The following FRMD4B variants were observed in gnomAD, a reference collection of about 807,000 sequenced individuals.
The protein encoded by FRMD4B is FERM domain containing 4B.
FRMD4B carries 74 observed loss-of-function variants against 141.5 expected under a neutral mutation model. The ratio of observed to expected loss-of-function variants is 0.52; its 90% CI spans 0.43 to 0.63. FRMD4B has a LOEUF of 0.63. FRMD4B is among the 30% of genes least tolerant of loss of function. The pLI is 0.00. For synonymous variants in FRMD4B, 506 were observed against 467.9 expected (o/e 1.08, Z -1.05); for missense variants, 1,366 against 1,253.4 (o/e 1.09, Z -1.36).
intron 3 of FRMD4B, among the ~76,000 whole-genome samples, chr3:69,308,918 A>G (rs1329421067): frequency 6.6e-6 from 1 of 152,014 alleles, no homozygotes; most frequent in Admixed American, 6.6e-5. Flanking sequence ...ACTGAACCCA[A>G]GTTTTCTTGG....
intron 22 of FRMD4B, among the ~76,000 whole-genome samples, chr3:69,172,736 A>C (rs993453360): frequency 2.0e-5 from 3 of 152,216 alleles, no homozygotes; most frequent in African/African-American, 7.2e-5. Flanking sequence ...TTTAGATGGC[A>C]ATTCCAAATG....
rs116792730 is a variant in FRMD4B, at chr3:69,182,879, C to T, written c.1920-162G>A. ...GTGGTTCACTAAACCACAAAGAAAA[C>T]CCGCTAAAACAGCGGGAGCACATAT... On this transcript the variant is annotated intron_variant, in intron 19 of 22. Coordinates refer to ENST00000398540, the MANE Select transcript of FRMD4B (RefSeq NM_015123.3). 4.4e-3 allele frequency among the ~76,000 whole-genome samples: 677 copies of T among 152,156 alleles called. 9 individuals carry two copies. Among genetic ancestry groups the T allele is most frequent in the African/African-American group, 0.016 (659 of 41,500 alleles).
chr3:69,326,996 T>C (rs770233269), intron 1 of FRMD4B, among the ~76,000 whole-genome samples: 6 of 152,050 alleles, frequency 3.9e-5, no homozygotes, highest in Admixed American at 6.6e-5. Context: ...AGGGCACAGA[T>C]ACTGTAAACA....
At chr3:69,345,802 A>G (rs1484392879) in intron 1 of FRMD4B, among the ~76,000 whole-genome samples, 1 of 152,202 alleles carries the variant, frequency 6.6e-6, no homozygotes, top group Non-Finnish European at 1.5e-5. Context: ...TAACAAACAG[A>G]AAGGACATCC....
At chr3:69,522,874 A>T (rs1031737285) in intron 1 of FRMD4B, among the ~76,000 whole-genome samples, 1 of 152,148 alleles carries the variant, frequency 6.6e-6, no homozygotes, top group African/African-American at 2.4e-5. Flanking sequence ...GGGCCTGGAG[A>T]TGAGAACCAA....
At chr3:69,306,957 C>T (rs115109109) in intron 3 of FRMD4B, among the ~76,000 whole-genome samples, 2,171 of 152,252 alleles carry the variant, frequency 0.014, 59 homozygotes, top group African/African-American at 0.049. Context: ...GTGACCAAGA[C>T]ATTCCAAGGA....
At chr3:69,464,024 G>A (rs868007097) in intron 1 of FRMD4B, among the ~76,000 whole-genome samples, 3 of 152,234 alleles carry the variant, frequency 2.0e-5, no homozygotes, top group African/African-American at 7.2e-5. Flanking sequence ...GCCTCACCTT[G>A]ATCCATTTGG....
intron 7 of FRMD4B, among the ~76,000 whole-genome samples, chr3:69,226,181 T>C (rs1047111713): frequency 6.6e-6 from 1 of 152,178 alleles, no homozygotes; most frequent in African/African-American, 2.4e-5. Context: ...GCTTTCCAAA[T>C]TACTACAGGA....
At chr3:69,423,656 T>C (rs1300380179) in intron 2 of FRMD4B, among the ~76,000 whole-genome samples, 1 of 152,086 alleles carries the variant, frequency 6.6e-6, no homozygotes, top group African/African-American at 2.4e-5. Flanking sequence ...CTCTGGGACA[T>C]GATTAGGTCA....
chr3:69,461,623 CAAAAAAA>C (rs58143332), intron 1 of FRMD4B, among the ~76,000 whole-genome samples: 50 of 43,466 alleles, frequency 1.2e-3, no homozygotes, highest in Admixed American at 3.5e-3. Context: ...GACTCTGTCT[CAAAAAAA>C]AAAAAAAAAA....
At chr3:69,393,961 C>T (rs1230410324) in intron 2 of FRMD4B, among the ~76,000 whole-genome samples, 3 of 152,234 alleles carry the variant, frequency 2.0e-5, no homozygotes, top group Admixed American at 2.0e-4. Flanking sequence ...TTTTTCAGTC[C>T]TTTAATTAAG....
At chr3:69,475,357 T>G (rs1209249881) in intron 1 of FRMD4B, among the ~76,000 whole-genome samples, 2 of 150,636 alleles carry the variant, frequency 1.3e-5, no homozygotes, top group African/African-American at 4.9e-5. Context: ...CCCTCCCCCT[T>G]CCCCCCACCC....
intron 5 of FRMD4B, among the ~76,000 whole-genome samples, chr3:69,267,119 A>T (rs749735394): frequency 6.6e-5 from 10 of 152,232 alleles, no homozygotes; most frequent in Admixed American, 1.3e-4. Flanking sequence ...GACAGGGTGT[A>T]GGTTTCTGTG....
chr3:69,428,718 C>G (rs1336146408), intron 2 of FRMD4B, among the ~76,000 whole-genome samples: 1 of 152,020 alleles, frequency 6.6e-6, no homozygotes, highest in African/African-American at 2.4e-5. Context: ...TCATTTAAAC[C>G]ATTTTTAAGT....
At chr3:69,502,386 C>T (rs1706512955) in intron 1 of FRMD4B, among the ~76,000 whole-genome samples, 1 of 152,156 alleles carries the variant, frequency 6.6e-6, no homozygotes, top group South Asian at 2.1e-4. Flanking sequence ...CACACATCTA[C>T]AGCCATCTGA....
intron 2 of FRMD4B, among the ~76,000 whole-genome samples, chr3:69,401,031 C>T (rs1162390550): frequency 6.6e-6 from 1 of 152,136 alleles, no homozygotes; most frequent in African/African-American, 2.4e-5. Context: ...TTTCCATACA[C>T]ACTACTATAT....
rs139451028 is a variant in FRMD4B at position 69,455,649 on chromosome 3, CTTGAAG to C, written c.-128-22894_-128-22889del. On this transcript the variant is annotated intron_variant, in intron 1 of 5. Transcript: ENST00000459638. ...CACTGCGAGGGTCCGTGGCTTCATT[CTTGAAG>C]TCAGTGAGACCAAAAACCCACCAAT... Among the ~76,000 whole-genome samples the C allele has an allele frequency of 1.7e-3, 256 of 152,324 alleles. 3 individuals carry two copies. In the East Asian group the frequency reaches 0.039, roughly 23 times the overall value.
intron 5 of FRMD4B, among the ~76,000 whole-genome samples, chr3:69,260,216 G>C (rs968781611): frequency 1.3e-5 from 2 of 152,184 alleles, no homozygotes; most frequent in African/African-American, 4.8e-5. Context: ...GCCCCTCTCT[G>C]GGTTGGCTGA....
chr3:69,429,579 A>G (rs1032652416), intron 2 of FRMD4B, among the ~76,000 whole-genome samples: 1 of 152,148 alleles, frequency 6.6e-6, no homozygotes, highest in Non-Finnish European at 1.5e-5. Context: ...TCAAAATAAC[A>G]TATGTATCCC....
Sources: allele counts gnomAD v4.1 joint callset (sites outside exome capture counted in the v4.1 genomes callset), GRCh38; gene constraint gnomAD v4.1.1; transcripts MANE v1.5; gene names NCBI Gene and HGNC (gene_info 2026-07-23, HGNC 2026-07-21).